The following KCNIP4 variants were observed in gnomAD, a reference collection of about 807,000 sequenced individuals.
The protein encoded by KCNIP4 is potassium voltage-gated channel interacting protein 4, also known as Kv channel-interacting protein 4.
A neutral mutation model predicts 34.0 loss-of-function variants in KCNIP4; 12 were observed. The ratio of observed to expected loss-of-function variants is 0.35; its 90% CI spans 0.23 to 0.57. The LOEUF (loss-of-function observed/expected upper bound fraction) is 0.57, where lower values mean the gene tolerates loss of function less well. Among genes scored for constraint, KCNIP4 ranks in the 20% least tolerant of loss-of-function variants. The pLI is 0.83. For missense variants in KCNIP4, 238 were observed against 311.7 expected (o/e 0.76, Z 1.78); for synonymous variants, 124 against 102.2 (o/e 1.21, Z -1.29).
At chr4:21,588,463 C>T (rs146700658) in intron 1 of KCNIP4, among the ~76,000 whole-genome samples, 2 of 152,056 alleles carry the variant, frequency 1.3e-5, no homozygotes, top group African/African-American at 4.8e-5. Flanking sequence ...TGAGGTTTAC[C>T]TCCTCCTTCT....
intron 1 of KCNIP4, among the ~76,000 whole-genome samples, chr4:21,095,555 A>T (rs912878685): frequency 1.3e-5 from 2 of 152,224 alleles, no homozygotes. Flanking sequence ...ACATGAATGA[A>T]ATAAAAATAA....
At chr4:20,941,002 T>A (rs1731583052) in intron 1 of KCNIP4, among the ~76,000 whole-genome samples, 1 of 152,188 alleles carries the variant, frequency 6.6e-6, no homozygotes, top group Non-Finnish European at 1.5e-5. Context: ...TTTTTCAAAA[T>A]GTGAATAACA....
rs1036312582 is a variant in KCNIP4, at chr4:21,237,541, C to A, written c.62-354832G>T. ...AAATACACGCAATAAAAAATGATAA[C>A]GGGGATATCACCACCAACCCCACAG... On this transcript the variant is annotated intron_variant, in intron 1 of 8. Coordinates refer to ENST00000382152, the MANE Select transcript of KCNIP4 (RefSeq NM_025221.6). Among the ~76,000 whole-genome samples the A allele has an allele frequency of 4.6e-5, 7 of 152,034 alleles. No individual in the cohort carries two copies. The South Asian group carries it at 1.0e-3, about 23-fold the overall frequency.
At chr4:21,662,231 A>G (rs1748507387) in intron 1 of KCNIP4, among the ~76,000 whole-genome samples, 1 of 152,224 alleles carries the variant, frequency 6.6e-6, no homozygotes, top group Non-Finnish European at 1.5e-5. Context: ...TTGGGAAGAT[A>G]CTGACATTTG....
intron 3 of KCNIP4, among the ~76,000 whole-genome samples, chr4:20,765,355 A>T (rs1755305768): frequency 6.6e-6 from 1 of 152,118 alleles, no homozygotes. Flanking sequence ...TACACGGTGT[A>T]TTTGTACCCA....
At chr4:21,621,488 C>T (rs1391871185) in intron 1 of KCNIP4, among the ~76,000 whole-genome samples, 1 of 152,136 alleles carries the variant, frequency 6.6e-6, no homozygotes, top group East Asian at 1.9e-4. Context: ...GCCTCAGCCT[C>T]CTAAGTAGTT....
intron 1 of KCNIP4, among the ~76,000 whole-genome samples, chr4:21,208,853 A>C (rs980975934): frequency 1.9e-4 from 29 of 152,182 alleles, no homozygotes; most frequent in Non-Finnish European, 1.0e-4. Flanking sequence ...CAGAAAGCAA[A>C]GGGGTAGCAA....
rs565014014 is a variant in KCNIP4 at position 21,216,824 on chromosome 4, T to C, written c.62-334115A>G. 3.9e-5 allele frequency among the ~76,000 whole-genome samples: 6 copies of C among 152,122 alleles called. No homozygotes were observed. In the South Asian group the frequency reaches 1.2e-3, roughly 32 times the overall value. On this transcript the variant is annotated intron_variant, in intron 1 of 8. Transcript: ENST00000382152. Reference sequence around the variant, plus strand: ...TTGACATTTAAGATAGAAAAATCCATAAAGGCTTCATGAAGAAGGCTTCAT... The same window carrying C: ...TTGACATTTAAGATAGAAAAATCCACAAAGGCTTCATGAAGAAGGCTTCAT...
intron 1 of KCNIP4, among the ~76,000 whole-genome samples, chr4:21,279,458 T>C (rs1762640603): frequency 6.6e-6 from 1 of 151,682 alleles, no homozygotes; most frequent in Non-Finnish European, 1.5e-5. Context: ...TATTGGCCTA[T>C]TGTTTCACCA....
Position 20,729,620 on chromosome 4 carries a change from T to TTC in KCNIP4, c.*461_*462insGA, listed in dbSNP as rs1479301002. ...TTCCTTAAAGTATATAAATGGAATT[T>TTC]AAATGGAATTACAGCATTCAAACAT... is the stretch of plus-strand genomic sequence containing the variant. On this transcript the variant is annotated 3_prime_UTR_variant, in exon 9 of 9. Coordinates refer to ENST00000382152, the MANE Select transcript of KCNIP4 (RefSeq NM_025221.6). 1 of 69,982 alleles carries TTC rather than the reference T, an allele frequency of 1.4e-5. No homozygotes were observed. Among genetic ancestry groups the TTC allele is most frequent in the African/African-American group, 7.5e-5 (1 of 13,344 alleles). The allele number at this position is 69,982 out of a possible 1,614,324, so 4.3% of individuals were successfully genotyped here.
Position 21,169,681 on chromosome 4 carries a change from T to C in KCNIP4, c.62-286972A>G, listed in dbSNP as rs988351866. Among the ~76,000 whole-genome samples, 15 of 151,456 alleles carry C rather than the reference T, an allele frequency of 9.9e-5. No homozygotes were observed. The East Asian group carries it at 2.9e-3, about 30-fold the overall frequency. On this transcript the variant is annotated intron_variant, in intron 1 of 8. Coordinates refer to ENST00000382152, the MANE Select transcript of KCNIP4 (RefSeq NM_025221.6). Reference sequence around the variant, plus strand: ...ATATTTGTGTGTGTGTGTGTGTGTGTGTGTGTGTGTGTGTGTGTGTGTGTT... The same window carrying C: ...ATATTTGTGTGTGTGTGTGTGTGTGCGTGTGTGTGTGTGTGTGTGTGTGTT...
chr4:21,635,320 C>T (rs1746061710), intron 1 of KCNIP4, among the ~76,000 whole-genome samples: 1 of 152,116 alleles, frequency 6.6e-6, no homozygotes, highest in Non-Finnish European at 1.5e-5. Flanking sequence ...TTAAATCAAC[C>T]CATTGTTTTC....
At chr4:20,744,267 C>G (rs956916089) in intron 5 of KCNIP4, among the ~76,000 whole-genome samples, 50 of 152,206 alleles carry the variant, frequency 3.3e-4, no homozygotes, top group African/African-American at 1.2e-3. Flanking sequence ...GGGTATACAC[C>G]CAAAGGATTA....
At chr4:21,333,820 T>A (rs1447139906) in intron 1 of KCNIP4, among the ~76,000 whole-genome samples, 2 of 152,162 alleles carry the variant, frequency 1.3e-5, no homozygotes, top group African/African-American at 4.8e-5. Context: ...AAGGAAAGAA[T>A]GGATGCTTCT....
chr4:21,017,976 T>C (rs1437131535), intron 1 of KCNIP4, among the ~76,000 whole-genome samples: 1 of 152,238 alleles, frequency 6.6e-6, no homozygotes, highest in East Asian at 1.9e-4. Context: ...TGTTTATATA[T>C]TTTTAGTACA....
intron 1 of KCNIP4, among the ~76,000 whole-genome samples, chr4:21,142,325 CG>C (rs1353725802): frequency 6.6e-6 from 1 of 151,968 alleles, no homozygotes; most frequent in Non-Finnish European, 1.5e-5. Flanking sequence ...GCTTAGGCCA[CG>C]TAAGATTCCA....
chr4:21,826,072 T>A (rs1015482994), intron 1 of KCNIP4, among the ~76,000 whole-genome samples: 2 of 152,104 alleles, frequency 1.3e-5, no homozygotes, highest in African/African-American at 4.8e-5. Flanking sequence ...AAGGCCAACA[T>A]GGCTGATACC....
intron 1 of KCNIP4, among the ~76,000 whole-genome samples, chr4:21,567,868 A>G (rs955684305): frequency 1.3e-5 from 2 of 152,050 alleles, no homozygotes; most frequent in Admixed American, 1.3e-4. Flanking sequence ...AAAGCTTAAC[A>G]TTTTTCTAGG....
chr4:21,759,561 A>AT (rs980731023), intron 1 of KCNIP4, among the ~76,000 whole-genome samples: 1 of 152,156 alleles, frequency 6.6e-6, no homozygotes, highest in Non-Finnish European at 1.5e-5. Context: ...TGATCAGGAC[A>AT]TTTTTTATTC....
Sources: gnomAD v4.1 joint callset for allele counts (sites outside exome capture counted in the v4.1 genomes callset) on GRCh38, gnomAD v4.1.1 for gene constraint, MANE v1.5 for transcripts, NCBI Gene and HGNC (gene_info 2026-07-23, HGNC 2026-07-21) for gene names.